Variants in RASGRF2 observed in about 807,000 individuals in gnomAD.
RASGRF2 encodes the protein Ras protein specific guanine nucleotide releasing factor 2, also known as ras-specific guanine nucleotide-releasing factor 2.
RASGRF2 carries 76 observed loss-of-function variants against 151.0 expected under a neutral mutation model. The observed-to-expected ratio is 0.50, with a 90% CI of 0.42 to 0.61. RASGRF2 has a LOEUF of 0.61. RASGRF2 is among the 20% of genes least tolerant of loss of function. RASGRF2 has a pLI of 0.00. For missense variants in RASGRF2, 1,148 were observed against 1,564.6 expected (o/e 0.73, Z 4.49); for synonymous variants, 504 against 566.5 (o/e 0.89, Z 1.57).
intron 26 of RASGRF2, among the ~76,000 whole-genome samples, chr5:81,221,458 G>A (rs1030465087): frequency 6.6e-6 from 1 of 152,144 alleles, no homozygotes; most frequent in African/African-American, 2.4e-5. Flanking sequence ...TCCAAGCTTG[G>A]CCATCGGGTG....
intron 1 of RASGRF2, among the ~76,000 whole-genome samples, chr5:80,981,348 C>T (rs932444111): frequency 2.0e-5 from 3 of 151,846 alleles, no homozygotes; most frequent in Non-Finnish European, 4.4e-5. Flanking sequence ...GGTACCTGTA[C>T]TTTCTGATAG....
intron 17 of RASGRF2, among the ~76,000 whole-genome samples, chr5:81,154,741 G>T (rs1317779179): frequency 1.3e-5 from 2 of 152,074 alleles, no homozygotes; most frequent in African/African-American, 4.8e-5. Context: ...ATGGGTCAAA[G>T]AAAAAATAGA....
Position 81,112,820 on chromosome 5 carries a change from C to A in RASGRF2, c.2049C>A (p.Ser683=), listed in dbSNP as rs142772897. Residue 683 remains serine, a synonymous_variant, in exon 14 of 27, where the codon TCC becomes TCA. Coordinates refer to ENST00000265080, the MANE Select transcript of RASGRF2 (RefSeq NM_006909.3). ...CCGCTGTGGTGCTGGGGAAACTCTC[C>A]GACATATACAAGAGGCCTTTCACCT... ...TTAAVVLGKL[S]DIYKRPFTSI... The A allele has an allele frequency of 2.5e-6, 4 of 1,614,068 alleles. No individual in the cohort carries two copies. In the East Asian group the frequency reaches 8.9e-5, roughly 36 times the overall value.
intron 2 of RASGRF2, among the ~76,000 whole-genome samples, chr5:81,058,366 AG>A (rs1175047250): frequency 6.6e-6 from 1 of 152,218 alleles, no homozygotes; most frequent in Non-Finnish European, 1.5e-5. Context: ...TTGGCAATAT[AG>A]TAGAATAGAA....
intron 2 of RASGRF2, among the ~76,000 whole-genome samples, chr5:81,054,777 T>A (rs1751140213): frequency 7.1e-6 from 1 of 140,270 alleles, no homozygotes; most frequent in Admixed American, 7.4e-5. Flanking sequence ...GTTCTTCCAT[T>A]TGTTTGTGTC....
chr5:80,970,550 T>TC (rs1451867313), intron 1 of RASGRF2, among the ~76,000 whole-genome samples: 1 of 152,178 alleles, frequency 6.6e-6, no homozygotes, highest in South Asian at 2.1e-4. Flanking sequence ...TAGGTTTTTT[T>TC]CCCCTAACTT....
chr5:81,197,116 C>T (rs987655787), intron 18 of RASGRF2, among the ~76,000 whole-genome samples: 1 of 152,164 alleles, frequency 6.6e-6, no homozygotes, highest in Non-Finnish European at 1.5e-5. Context: ...TCCTGGGCCC[C>T]AGTGGCTCTT....
At position 81,003,371 on chromosome 5, in the gene RASGRF2, C is replaced by T. The variant is rs560040193; in HGVS notation, c.289-39506C>T. On this transcript the variant is annotated intron_variant, in intron 1 of 26. Coordinates refer to ENST00000265080, the MANE Select transcript of RASGRF2 (RefSeq NM_006909.3). ...CTGAGTAGCTGGGACTACAGGTGCC[C>T]ACCACCACGCCCACCTAATTTTTTT... is the stretch of plus-strand genomic sequence containing the variant. Among the ~76,000 whole-genome samples the T allele has an allele frequency of 5.9e-5, 9 of 152,198 alleles. No individual in the cohort carries two copies. In the East Asian group the frequency reaches 9.7e-4, roughly 16 times the overall value.
At chr5:81,141,185 T>C (rs954061626) in intron 17 of RASGRF2, among the ~76,000 whole-genome samples, 5 of 152,208 alleles carry the variant, frequency 3.3e-5, no homozygotes, top group Non-Finnish European at 7.3e-5. Context: ...TGTAGGTTGA[T>C]ACAGCTAAGA....
intron 1 of RASGRF2, among the ~76,000 whole-genome samples, chr5:80,992,935 T>G (rs1282891587): frequency 6.6e-6 from 1 of 152,248 alleles, no homozygotes; most frequent in Admixed American, 6.5e-5. Flanking sequence ...CAGTGATTGA[T>G]AGATTCATAA....
chr5:81,028,005 G>A (rs985391750), intron 1 of RASGRF2, among the ~76,000 whole-genome samples: 7 of 152,042 alleles, frequency 4.6e-5, no homozygotes, highest in African/African-American at 1.4e-4. Context: ...TGACTATATC[G>A]GCAATATCTG....
At chr5:81,046,231 T>C (rs1750832615) in intron 2 of RASGRF2, among the ~76,000 whole-genome samples, 1 of 152,160 alleles carries the variant, frequency 6.6e-6, no homozygotes, top group Non-Finnish European at 1.5e-5. Flanking sequence ...AGTACCAGCC[T>C]GGGTGTGCTG....
At chr5:81,166,626 A>G (rs1399598383) in intron 17 of RASGRF2, among the ~76,000 whole-genome samples, 6 of 150,036 alleles carry the variant, frequency 4.0e-5, no homozygotes, top group Non-Finnish European at 8.9e-5. Context: ...CTGTGCACAG[A>G]CGGGAGGGAT....
chr5:80,973,163 T>C (rs1747995303), intron 1 of RASGRF2, among the ~76,000 whole-genome samples: 1 of 152,172 alleles, frequency 6.6e-6, no homozygotes, highest in African/African-American at 2.4e-5. Context: ...ACTGGGCCTC[T>C]CCCCTGCTGC....
chr5:81,036,674 T>G (rs1461620967), intron 1 of RASGRF2, among the ~76,000 whole-genome samples: 1 of 152,184 alleles, frequency 6.6e-6, no homozygotes, highest in Non-Finnish European at 1.5e-5. Flanking sequence ...TTATCAATTT[T>G]TTTTTAATCC....
At position 81,226,039 on chromosome 5, in the gene RASGRF2, T is replaced by C. The variant is rs1308696638; in HGVS notation, c.*269T>C. The C allele has an allele frequency of 6.2e-6, 2 of 322,574 alleles. No individual in the cohort carries two copies. Among genetic ancestry groups the C allele is most frequent in the Non-Finnish European group, 1.1e-5 (2 of 179,026 alleles). 20.0% of individuals were successfully genotyped at this position (322,574 alleles called of 1,614,324 possible). On this transcript the variant is annotated 3_prime_UTR_variant, in exon 27 of 27. Transcript: ENST00000265080. ...TAAGGGAATGTCAGATGGGAGATGC[T>C]AGTTGCCATTTTAACAAAGCAGGTA...
rs1463867872 is a variant in RASGRF2, at chr5:81,227,646, A to G, written c.*1876A>G. 6.6e-6 allele frequency: 1 copy of G among 152,244 alleles called. No homozygotes were observed. Among genetic ancestry groups the G allele is most frequent in the Non-Finnish European group, 1.5e-5 (1 of 68,048 alleles). 9.4% of individuals were successfully genotyped at this position (152,244 alleles called of 1,614,324 possible). ...GAAATAATATGTATCAGTTGCACCA[A>G]ACACCTCAAGGTCTTGCAGAAGAAA... On this transcript the variant is annotated 3_prime_UTR_variant, in exon 27 of 27. Coordinates refer to ENST00000265080, the MANE Select transcript of RASGRF2 (RefSeq NM_006909.3).
chr5:81,133,237 A>G (rs1271894445), intron 17 of RASGRF2, among the ~76,000 whole-genome samples: 1 of 152,188 alleles, frequency 6.6e-6, no homozygotes, highest in Non-Finnish European at 1.5e-5. Flanking sequence ...AGCATGATGT[A>G]TGTATTGCCA....
At chr5:81,035,117 T>C (rs1384552975) in intron 1 of RASGRF2, among the ~76,000 whole-genome samples, 2 of 152,114 alleles carry the variant, frequency 1.3e-5, no homozygotes, top group Non-Finnish European at 2.9e-5. Context: ...ACTGTGTATA[T>C]ACCCAAAGGA....
Sources: allele counts gnomAD v4.1 joint callset (sites outside exome capture counted in the v4.1 genomes callset), GRCh38; gene constraint gnomAD v4.1.1; transcripts MANE v1.5; gene names NCBI Gene and HGNC (gene_info 2026-07-23, HGNC 2026-07-21).